Variants in ATP2A1 observed in about 807,000 individuals in gnomAD.
ATP2A1 encodes sarcoplasmic/endoplasmic reticulum calcium ATPase 1.
In ATP2A1, 83 loss-of-function variants were observed where a neutral mutation model predicts 109.5. The observed-to-expected ratio is 0.76, with a 90% CI of 0.63 to 0.91. The LOEUF (loss-of-function observed/expected upper bound fraction) is 0.91, where lower values mean the gene tolerates loss of function less well. Among genes scored for constraint, ATP2A1 ranks in the 40% least tolerant of loss-of-function variants. The pLI, the probability that ATP2A1 is intolerant of heterozygous loss-of-function variation, is 0.00. For synonymous variants in ATP2A1, 505 were observed against 537.6 expected (o/e 0.94, Z 0.84); for missense variants, 1,101 against 1,341.0 (o/e 0.82, Z 2.80).
At chr16:28,882,136 G>A (rs1194615615) in intron 4 of ATP2A1, among the ~76,000 whole-genome samples, 2 of 87,522 alleles carry the variant, frequency 2.3e-5, no homozygotes, top group Non-Finnish European at 2.0e-5. Flanking sequence ...TGTACTTTTC[G>A]TAGAGACGGA....
At chr16:28,897,781 T>C (rs1963958967) in intron 12 of ATP2A1, among the ~76,000 whole-genome samples, 1 of 152,166 alleles carries the variant, frequency 6.6e-6, no homozygotes, top group South Asian at 2.1e-4. Flanking sequence ...ATAATGAAAG[T>C]TCTGTGGGAC....
chr16:28,898,168 C>G lies in ATP2A1; in HGVS notation c.1545+43C>G, dbSNP rs370846936. ...GCCTCAGCCCCCTCTTCTTCCTACT[C>G]CTAGCCACCTGTCACTGCCCTGGAA... On this transcript the variant is annotated intron_variant, in intron 13 of 22. Transcript: ENST00000395503. The surrounding 1 kb of genome is among the most constrained non-coding windows in gnomAD (Gnocchi z 4.0). 1.8e-5 allele frequency: 29 copies of G among 1,614,078 alleles called. No homozygotes were observed. Among genetic ancestry groups the G allele is most frequent in the Non-Finnish European group, 2.5e-5 (29 of 1,180,036 alleles).
At chr16:28,881,191 C>T (rs1963465203) in intron 4 of ATP2A1, among the ~76,000 whole-genome samples, 172 bp downstream of exon 4, 1 of 152,142 alleles carries the variant, frequency 6.6e-6, no homozygotes, top group African/African-American at 2.4e-5. Context: ...GACTGTGACC[C>T]ACTGTCACTT....
Position 28,903,451 on chromosome 16 carries a change from C to T in ATP2A1, c.2980+11C>T. The T allele has an allele frequency of 6.2e-7, 1 of 1,603,862 alleles. No individual in the cohort carries two copies. Among genetic ancestry groups the T allele is most frequent in the Non-Finnish European group, 8.5e-7 (1 of 1,170,976 alleles). The stretch of plus-strand genomic sequence containing the variant: ...GGAACTACCTAGAGGGTAAGGAGTG[C>T]CCTCTCTGTCCCAAGCCCTGGCCCC... On this transcript the variant is annotated intron_variant, in intron 21 of 22. Coordinates refer to ENST00000395503, the MANE Select transcript of ATP2A1 (RefSeq NM_004320.6). The surrounding 1 kb of genome is among the most constrained non-coding windows in gnomAD (Gnocchi z 5.6).
Position 28,903,466 on chromosome 16 carries a change from G to A in ATP2A1, c.2980+26G>A. ...GTAAGGAGTGCCCTCTCTGTCCCAA[G>A]CCCTGGCCCCACCACAGCCCCTTCC... On this transcript the variant is annotated intron_variant, in intron 21 of 22. Coordinates refer to ENST00000395503, the MANE Select transcript of ATP2A1 (RefSeq NM_004320.6). The surrounding 1 kb of genome is among the most constrained non-coding windows in gnomAD (Gnocchi z 5.6). 1.9e-6 allele frequency: 3 copies of A among 1,592,390 alleles called. No homozygotes were observed. Among genetic ancestry groups the A allele is most frequent in the South Asian group, 1.1e-5 (1 of 90,646 alleles).
rs148925426 is a variant in ATP2A1, at chr16:28,879,523, G to C, written c.159G>C (p.Val53=). 1.2e-6 allele frequency: 2 copies of C among 1,614,172 alleles called. No homozygotes were observed. The highest frequency in any genetic ancestry group is 4.5e-5 in the East Asian group (2 of 44,856). ...AEEGKTLWEL[V]IEQFEDLLVR... Reference sequence around the variant, plus strand: ...CAGGGAAGACCCTGTGGGAGCTGGTGATAGAGCAGTTTGAAGACCTCCTGG... The same window carrying C: ...CAGGGAAGACCCTGTGGGAGCTGGTCATAGAGCAGTTTGAAGACCTCCTGG... Residue 53 remains valine, a synonymous_variant, in exon 3 of 23, where the codon GTG becomes GTC. Coordinates refer to ENST00000395503, the MANE Select transcript of ATP2A1 (RefSeq NM_004320.6).
chr16:28,894,986 C>T (rs1028576291), intron 12 of ATP2A1, 33 bp downstream of exon 12: 3 of 1,607,874 alleles, frequency 1.9e-6, no homozygotes, highest in Admixed American at 1.7e-5. Context: ...ACAGGGCCGT[C>T]TCCACTCTAT....
At chr16:28,879,874 C>T in intron 3 of ATP2A1, 2 of 592,918 alleles carry the variant, frequency 3.4e-6, no homozygotes, top group Admixed American at 4.7e-5. Flanking sequence ...CACCCGAACT[C>T]CGGGCTCCGG....
chr16:28,879,743 C>CCT (rs1252964015), intron 3 of ATP2A1, 160 bp downstream of exon 3: 1 of 848,222 alleles, frequency 1.2e-6, no homozygotes, highest in African/African-American at 1.7e-5. Flanking sequence ...TTCGCGTCCT[C>CCT]CTCTCTCCTC....
Position 28,879,483 on chromosome 16 carries a change from C to T in ATP2A1, c.137-18C>T, listed in dbSNP as rs1858848944. 6.2e-7 allele frequency: 1 copy of T among 1,612,912 alleles called. No homozygotes were observed. The highest frequency in any genetic ancestry group is 1.7e-5 in the Admixed American group (1 of 60,010). On this transcript the variant is annotated intron_variant, in intron 2 of 22. Transcript: ENST00000395503. The stretch of plus-strand genomic sequence containing the variant: ...ACTAGACCTTAACCCGGGGCCCTCC[C>T]CTTGCCTCCTCCCCCAGGGAAGACC...
rs145242076 is a variant in ATP2A1 at position 28,882,693 on chromosome 16, C to A, written c.463+104C>A. 8 of 1,522,036 alleles carry A rather than the reference C, an allele frequency of 5.3e-6. No individual in the cohort carries two copies. In the East Asian group the frequency reaches 1.4e-4, roughly 28 times the overall value. 94.3% of individuals were successfully genotyped at this position (1,522,036 alleles called of 1,614,324 possible). ...CGGATCCAGGTGTCCAGGAGGATGACGGAGTCTGCTTCTCTTTCCGACTCC... is the reference window on the plus strand; with the variant it reads ...CGGATCCAGGTGTCCAGGAGGATGAAGGAGTCTGCTTCTCTTTCCGACTCC... On this transcript the variant is annotated intron_variant, in intron 5 of 22. Coordinates refer to ENST00000395503, the MANE Select transcript of ATP2A1 (RefSeq NM_004320.6).
At position 28,880,430 on chromosome 16, in the gene ATP2A1, C is replaced by T. The variant is rs190296599; in HGVS notation, c.220-485C>T. ...GCCTGCTGCCTGGCGGTGGCAACAGCTGGGGCGGGGCGCGCGCAGGAGGCC... is the reference window on the plus strand; with the variant it reads ...GCCTGCTGCCTGGCGGTGGCAACAGTTGGGGCGGGGCGCGCGCAGGAGGCC... On this transcript the variant is annotated intron_variant, in intron 3 of 22. Coordinates refer to ENST00000395503, the MANE Select transcript of ATP2A1 (RefSeq NM_004320.6). The surrounding 1 kb of genome is among the most constrained non-coding windows in gnomAD (Gnocchi z 4.2). Among the ~76,000 whole-genome samples the T allele has an allele frequency of 1.2e-3, 189 of 152,360 alleles. No homozygotes were observed. The highest frequency in any genetic ancestry group is 2.0e-3 in the Admixed American group (30 of 15,310).
chr16:28,887,696 C>T lies in ATP2A1; in HGVS notation c.902C>T (p.Ala301Val). ...GAIYYFKIAV[A>V]LAVAAIPEGL... ...ATCTACTACTTTAAGATTGCCGTGG[C>T]CTTGGCTGTGGCTGCCATCCCCGAA... The change falls in exon 8 of 23, where the codon GCC becomes GTC. Residue 301 changes from alanine to valine, a missense_variant. Transcript: ENST00000395503. The T allele has an allele frequency of 1.2e-6, 2 of 1,614,062 alleles. No individual in the cohort carries two copies. The highest frequency in any genetic ancestry group is 1.7e-6 in the Non-Finnish European group (2 of 1,180,040).
Position 28,880,880 on chromosome 16 carries a change from C to T in ATP2A1, c.220-35C>T. On this transcript the variant is annotated intron_variant, in intron 3 of 22. Transcript: ENST00000395503. This position sits in a 1 kb window ranked among gnomAD's most constrained non-coding sequence, Gnocchi z 4.2. ...CCTTTCTCCATCTGTTTTGGGGCCT[C>T]ATTACCTGTCATTCTCCTTTCCCCT... 6.3e-7 allele frequency: 1 copy of T among 1,584,678 alleles called. No homozygotes were observed. The highest frequency in any genetic ancestry group is 1.1e-5 in the South Asian group (1 of 90,480).
intron 5 of ATP2A1, 146 bp downstream of exon 5, chr16:28,882,735 G>T: frequency 8.1e-7 from 1 of 1,231,094 alleles, no homozygotes. Context: ...GGTCATCCCA[G>T]GCCACTCCGG....
In ATP2A1 at chr16:28,902,626, G is replaced by C; in HGVS notation, c.2571G>C (p.Leu857=). ...TGGGAGCAGCTGCCTGGTGGTTCCT[G>C]TACGCTGAGGATGGGCCTCATGTCA... ...ATVGAAAWWF[L]YAEDGPHVNY... The change falls in exon 18 of 23, where the codon CTG becomes CTC. Residue 857 remains leucine (L), a synonymous_variant. Coordinates refer to ENST00000395503, the MANE Select transcript of ATP2A1 (RefSeq NM_004320.6). The surrounding 1 kb of genome is among the most constrained non-coding windows in gnomAD (Gnocchi z 4.8). The C allele has an allele frequency of 1.9e-6, 3 of 1,614,098 alleles. No individual in the cohort carries two copies. The highest frequency in any genetic ancestry group is 2.5e-6 in the Non-Finnish European group (3 of 1,180,000).
intron 8 of ATP2A1, among the ~76,000 whole-genome samples, chr16:28,887,992 G>A (rs745813648): frequency 9.9e-5 from 15 of 151,898 alleles, no homozygotes; most frequent in East Asian, 1.9e-4. Context: ...TAGTAGATAC[G>A]GGGTTTCACC....
In ATP2A1 at chr16:28,898,290, G is replaced by A. The variant is rs1433734726; in HGVS notation, c.1603G>A (p.Val535Met). ...CTATGTGCGAGTTGGCACCACCCGG[G>A]TGCCACTGACGGGGCCGGTGAAGGA... is the stretch of plus-strand genomic sequence containing the variant. ...CNYVRVGTTR[V>M]PLTGPVKEKI... The change falls in exon 14 of 23, where the codon GTG (valine) becomes ATG (methionine). Residue 535 changes from valine (V) to methionine (M), a missense_variant. Val to Met is a conservative substitution (Grantham distance 21, BLOSUM62 1). Transcript: ENST00000395503. This position sits in a 1 kb window ranked among gnomAD's most constrained non-coding sequence, Gnocchi z 4.0. 17 of 1,614,250 alleles carry A rather than the reference G, an allele frequency of 1.1e-5. No individual in the cohort carries two copies. Among genetic ancestry groups the A allele is most frequent in the Non-Finnish European group, 1.4e-5 (17 of 1,180,054 alleles).
At chr16:28,885,767 C>T (rs1355468695) in intron 6 of ATP2A1, among the ~76,000 whole-genome samples, 2 of 152,082 alleles carry the variant, frequency 1.3e-5, no homozygotes, top group African/African-American at 4.8e-5. Context: ...CATAGGGCCA[C>T]AGACACCTCG....
Sources: allele counts gnomAD v4.1 joint callset (sites outside exome capture counted in the v4.1 genomes callset), GRCh38; gene constraint gnomAD v4.1.1; non-coding constraint Gnocchi (gnomAD v3.1); transcripts MANE v1.5; gene names NCBI Gene and HGNC (gene_info 2026-07-23, HGNC 2026-07-21).